The following DDX46 variants were observed in gnomAD, a reference collection of about 807,000 sequenced individuals.
DDX46 encodes DEAD-box helicase 46.
DDX46 carries 30 observed loss-of-function variants against 134.9 expected under a neutral mutation model. The observed-to-expected ratio is 0.22, with a 90% CI of 0.17 to 0.30. The LOEUF (loss-of-function observed/expected upper bound fraction) is 0.30, where lower values mean the gene tolerates loss of function less well. Ranked by LOEUF, DDX46 falls within the 10% of genes least tolerant of loss-of-function variation. The pLI is 1.00. For synonymous variants in DDX46, 415 were observed against 404.1 expected (o/e 1.03, Z -0.32); for missense variants, 622 against 1,248.7 (o/e 0.50, Z 7.56).
intron 15 of DDX46, among the ~76,000 whole-genome samples, chr5:134,803,033 T>C (rs1046325644): frequency 6.6e-6 from 1 of 152,184 alleles, no homozygotes; most frequent in African/African-American, 2.4e-5. Flanking sequence ...TCTTGCTCTG[T>C]CTCCCAGGCT....
At chr5:134,781,537 C>T (rs1434303620) in intron 7 of DDX46, among the ~76,000 whole-genome samples, 1 of 152,070 alleles carries the variant, frequency 6.6e-6, no homozygotes, top group Non-Finnish European at 1.5e-5. Flanking sequence ...AATTTTCTTT[C>T]CATTAACACG....
intron 16 of DDX46, among the ~76,000 whole-genome samples, chr5:134,808,540 A>G (rs1720510329): frequency 6.6e-6 from 1 of 152,172 alleles, no homozygotes; most frequent in South Asian, 2.1e-4. Context: ...AAATTGAATC[A>G]TTGTAAGTCG....
intron 15 of DDX46, 147 bp from the exon 16 acceptor site, chr5:134,807,601 C>A: frequency 1.5e-6 from 1 of 682,300 alleles, no homozygotes; most frequent in Non-Finnish European, 2.4e-6. Flanking sequence ...AACCTTTAAT[C>A]TTGCCATTAC....
At chr5:134,766,842 G>A in intron 2 of DDX46, 75 bp from the exon 3 acceptor site, 1 of 1,487,806 alleles carries the variant, frequency 6.7e-7, no homozygotes, top group South Asian at 1.4e-5. Flanking sequence ...TTCTTTCAAT[G>A]TGGGACAGAA....
chr5:134,760,696 C>T (rs911755287), intron 1 of DDX46, among the ~76,000 whole-genome samples: 2 of 152,086 alleles, frequency 1.3e-5, no homozygotes, highest in African/African-American at 4.8e-5. Flanking sequence ...AAGGGAATTA[C>T]AGAGGTGAAA....
At position 134,807,679 on chromosome 5, in the gene DDX46, A is replaced by G. The variant is rs1755030678; in HGVS notation, c.1955-69A>G. On this transcript the variant is annotated intron_variant, in intron 15 of 22. Transcript: ENST00000452510. Reference sequence around the variant, plus strand: ...TGTCAATTTGTTCTTCACTGAGTTTAGATTCTTGGTCAGAAGACATGGAAA... The same window carrying G: ...TGTCAATTTGTTCTTCACTGAGTTTGGATTCTTGGTCAGAAGACATGGAAA... 2.1e-6 allele frequency: 3 copies of G among 1,407,130 alleles called. No individual in the cohort carries two copies. In the South Asian group the frequency reaches 4.3e-5, roughly 20 times the overall value. 87.2% of individuals were successfully genotyped at this position (1,407,130 alleles called of 1,614,324 possible).
Position 134,817,521 on chromosome 5 carries a change from C to T in DDX46, c.2639C>T (p.Ala880Val). The T allele has an allele frequency of 6.2e-7, 1 of 1,613,968 alleles. No individual in the cohort carries two copies. The highest frequency in any genetic ancestry group is 8.5e-7 in the Non-Finnish European group (1 of 1,179,986). ...GATGTGATGCAGCAGGCCACCAATG[C>T]AATTCTTAGGGGTGGCACCATTCTG... ...QVDVMQQATN[A>V]ILRGGTILAP... The change falls in exon 20 of 23, where the codon GCA (alanine) becomes GTA (valine). Residue 880 changes from alanine to valine, a missense_variant. Around this residue, in one of 8 missense-constraint regions of DDX46, gnomAD observed 76 missense variants for 213.0 expected, o/e 0.36. Coordinates refer to ENST00000452510, the MANE Select transcript of DDX46 (RefSeq NM_001300860.2).
chr5:134,764,275 G>GTTT (rs113290220), intron 2 of DDX46, among the ~76,000 whole-genome samples, 183 bp downstream of exon 2: 1 of 141,462 alleles, frequency 7.1e-6, no homozygotes, highest in Non-Finnish European at 1.6e-5. Flanking sequence ...ATCAAACAGT[G>GTTT]TTTTTTTTTT....
chr5:134,798,872 A>C (rs962686033), intron 15 of DDX46, among the ~76,000 whole-genome samples: 3 of 152,234 alleles, frequency 2.0e-5, no homozygotes, highest in African/African-American at 7.2e-5. Flanking sequence ...CTTCGTGTCC[A>C]TAGACTGCAG....
At chr5:134,776,034 G>A (rs1005946808) in intron 5 of DDX46, among the ~76,000 whole-genome samples, 1 of 152,118 alleles carries the variant, frequency 6.6e-6, no homozygotes, top group Non-Finnish European at 1.5e-5. Context: ...CACATACTTT[G>A]TATGCTTTAT....
At position 134,798,222 on chromosome 5, in the gene DDX46, GCT is replaced by G. The variant is rs1161333480; in HGVS notation, c.1954+2075_1954+2076del. ...GTTTGTTTGTTTGAGACAGGGTCTT[GCT>G]CTGTCACCCAGGCTGGAGTGCAGTG... On this transcript the variant is annotated intron_variant, in intron 15 of 22. Transcript: ENST00000452510. Among the ~76,000 whole-genome samples, 7 of 136,722 alleles carry G rather than the reference GCT, an allele frequency of 5.1e-5. No individual in the cohort carries two copies. The Admixed American group carries it at 5.4e-4, about 10-fold the overall frequency. 89.7% of individuals were successfully genotyped at this position (136,722 alleles called of 152,430 possible). A position where few individuals can be genotyped will look rare whatever the true frequency, so the allele number is the denominator to read the frequency against.
At chr5:134,773,628 G>A (rs1753842769) in intron 4 of DDX46, 68 bp from the exon 5 acceptor site, 4 of 1,480,036 alleles carry the variant, frequency 2.7e-6, no homozygotes, top group Non-Finnish European at 3.6e-6. Context: ...GTCACTTGGA[G>A]CAAAATTATT....
At chr5:134,781,761 G>T (rs1320630210) in intron 7 of DDX46, among the ~76,000 whole-genome samples, 160 bp from the exon 8 acceptor site, 1 of 152,178 alleles carries the variant, frequency 6.6e-6, no homozygotes, top group Non-Finnish European at 1.5e-5. Context: ...AAGTGTGCTG[G>T]AGCACTATAA....
At chr5:134,813,367 A>G (rs1345284011) in intron 18 of DDX46, among the ~76,000 whole-genome samples, 2 of 152,242 alleles carry the variant, frequency 1.3e-5, no homozygotes, top group African/African-American at 2.4e-5. Context: ...TTAGTCAGGT[A>G]GTTCTGGCTT....
At position 134,817,217 on chromosome 5, in the gene DDX46, T is replaced by G. The variant is rs1755309601; in HGVS notation, c.2614-279T>G. The G allele has an allele frequency of 2.8e-5, 10 of 359,406 alleles. No homozygotes were observed. In the South Asian group the frequency reaches 5.3e-4, roughly 19 times the overall value. 22.3% of individuals were successfully genotyped at this position (359,406 alleles called of 1,614,324 possible). On this transcript the variant is annotated intron_variant, in intron 19 of 22. Coordinates refer to ENST00000452510, the MANE Select transcript of DDX46 (RefSeq NM_001300860.2). ...TTCGAAATATTTACTGTGTCTGACA[T>G]CAAGAGTTAGCTAATTATCAACTAC...
intron 3 of DDX46, among the ~76,000 whole-genome samples, chr5:134,769,945 G>A (rs1753708679): frequency 6.6e-6 from 1 of 152,194 alleles, no homozygotes; most frequent in African/African-American, 2.4e-5. Context: ...AGAGGCATGA[G>A]CCACCATGCC....
chr5:134,765,103 C>CT (rs1188494129), intron 2 of DDX46, among the ~76,000 whole-genome samples: 2 of 147,868 alleles, frequency 1.4e-5, no homozygotes, highest in African/African-American at 2.5e-5. Context: ...GAGTCTCACT[C>CT]TGTCACCCAG....
intron 18 of DDX46, among the ~76,000 whole-genome samples, 167 bp from the exon 19 acceptor site, chr5:134,816,263 A>T (rs1755285637): frequency 6.6e-6 from 1 of 152,218 alleles, no homozygotes; most frequent in African/African-American, 2.4e-5. Context: ...ACTTTTAACA[A>T]ATAGGTGGTA....
At chr5:134,807,692 G>A in intron 15 of DDX46, 56 bp from the exon 16 acceptor site, 1 of 1,500,170 alleles carries the variant, frequency 6.7e-7, no homozygotes, top group East Asian at 2.3e-5. Context: ...TTCTTGGTCA[G>A]AAGACATGGA....
Sources: gnomAD v4.1 joint callset for allele counts (sites outside exome capture counted in the v4.1 genomes callset) on GRCh38, gnomAD v4.1.1 for gene constraint, gnomAD v4.1.1 regional missense constraint, MANE v1.5 for transcripts, NCBI Gene and HGNC (gene_info 2026-07-23, HGNC 2026-07-21) for gene names.